PDGFC: variants seen among roughly 807,000 people sequenced by gnomAD.
PDGFC encodes the protein platelet-derived growth factor C.
Under a neutral mutation model 35.5 loss-of-function variants are expected in PDGFC, and 12 were observed. The ratio of observed to expected loss-of-function variants is 0.34; its 90% CI spans 0.22 to 0.55. The LOEUF is 0.55. PDGFC is among the 20% of genes least tolerant of loss of function. The pLI is 0.91. For synonymous variants in PDGFC, 159 were observed against 148.8 expected (o/e 1.07, Z -0.50); for missense variants, 322 against 412.4 (o/e 0.78, Z 1.90).
chr4:156,853,382 A>G (rs548547907), intron 1 of PDGFC, among the ~76,000 whole-genome samples: 1 of 152,302 alleles, frequency 6.6e-6, no homozygotes, highest in East Asian at 1.9e-4. Flanking sequence ...TTAATCCTAA[A>G]CTACCCCAAA....
At chr4:156,894,518 C>A (rs531586622) in intron 1 of PDGFC, among the ~76,000 whole-genome samples, 1 of 152,082 alleles carries the variant, frequency 6.6e-6, no homozygotes, top group African/African-American at 2.4e-5. Context: ...GTTTATAATA[C>A]AATTTTAAAA....
chr4:156,772,379 G>A (rs1003600947), intron 4 of PDGFC, among the ~76,000 whole-genome samples: 30 of 152,102 alleles, frequency 2.0e-4, no homozygotes, highest in African/African-American at 7.0e-4. Context: ...TTAGGTTTGA[G>A]TAAGCAGTGA....
At chr4:156,875,243 C>G (rs1278157572) in intron 1 of PDGFC, among the ~76,000 whole-genome samples, 1 of 152,150 alleles carries the variant, frequency 6.6e-6, no homozygotes, top group Non-Finnish European at 1.5e-5. Context: ...ATCCTGGTAA[C>G]TGCATATGGT....
intron 3 of PDGFC, among the ~76,000 whole-genome samples, chr4:156,784,470 C>T (rs1731065991): frequency 6.6e-6 from 1 of 151,972 alleles, no homozygotes; most frequent in Non-Finnish European, 1.5e-5. Flanking sequence ...TGTTCTGTGA[C>T]CTTAGGAATA....
At chr4:156,890,112 G>C (rs568606923) in intron 1 of PDGFC, among the ~76,000 whole-genome samples, 2 of 152,140 alleles carry the variant, frequency 1.3e-5, no homozygotes, top group East Asian at 3.9e-4. Flanking sequence ...GAGGGCACTG[G>C]TCTGGAACCT....
At chr4:156,907,505 C>A (rs190688645) in intron 1 of PDGFC, among the ~76,000 whole-genome samples, 1 of 152,276 alleles carries the variant, frequency 6.6e-6, no homozygotes, top group African/African-American at 2.4e-5. Context: ...CCTGAATTTG[C>A]ATCTTTCAAT....
At chr4:156,931,020 T>G (rs566516596) in intron 1 of PDGFC, among the ~76,000 whole-genome samples, 2 of 152,266 alleles carry the variant, frequency 1.3e-5, no homozygotes, top group South Asian at 4.2e-4. Context: ...TTTTAACTTC[T>G]TTTTCCTGCT....
chr4:156,818,706 G>A (rs1732164401), intron 2 of PDGFC, among the ~76,000 whole-genome samples: 1 of 151,920 alleles, frequency 6.6e-6, no homozygotes, highest in East Asian at 1.9e-4. Context: ...GTTTCACTGT[G>A]TTAGCCAGGA....
chr4:156,926,135 C>T (rs1731407837), intron 1 of PDGFC, among the ~76,000 whole-genome samples: 1 of 148,524 alleles, frequency 6.7e-6, no homozygotes, highest in African/African-American at 2.5e-5. Context: ...CTTTTCTTGT[C>T]TGACAGTAAT....
chr4:156,872,813 G>T (rs2111148198), intron 1 of PDGFC, among the ~76,000 whole-genome samples: 1 of 152,240 alleles, frequency 6.6e-6, no homozygotes, highest in African/African-American at 2.4e-5. Context: ...TGTATCCATA[G>T]TCTCTTGTTA....
At chr4:156,840,979 C>T (rs1729189858) in intron 2 of PDGFC, among the ~76,000 whole-genome samples, 1 of 152,096 alleles carries the variant, frequency 6.6e-6, no homozygotes, top group African/African-American at 2.4e-5. Context: ...TAGGAAGTAA[C>T]TAACTTGCTT....
At chr4:156,872,552 C>T (rs1042824490) in intron 1 of PDGFC, among the ~76,000 whole-genome samples, 1 of 152,188 alleles carries the variant, frequency 6.6e-6, no homozygotes, top group Non-Finnish European at 1.5e-5. Flanking sequence ...TTCAGACTCA[C>T]ACACTTTGCA....
chr4:156,854,116 A>G (rs1216335864), intron 1 of PDGFC, among the ~76,000 whole-genome samples: 1 of 152,220 alleles, frequency 6.6e-6, no homozygotes, highest in African/African-American at 2.4e-5. Flanking sequence ...AGAGGTACTT[A>G]TAGTAATTTA....
chr4:156,955,800 A>G (rs1247132094), intron 1 of PDGFC, among the ~76,000 whole-genome samples: 3 of 152,004 alleles, frequency 2.0e-5, no homozygotes, highest in Non-Finnish European at 2.9e-5. Context: ...TATGTCTGAC[A>G]CAGCCCTCAA....
At chr4:156,928,405 C>G (rs576608380) in intron 1 of PDGFC, among the ~76,000 whole-genome samples, 2 of 152,068 alleles carry the variant, frequency 1.3e-5, no homozygotes, top group East Asian at 1.9e-4. Flanking sequence ...TGAAAATTCA[C>G]GCATTGCACT....
intron 1 of PDGFC, among the ~76,000 whole-genome samples, chr4:156,960,461 A>G (rs546458439): frequency 8.6e-5 from 13 of 150,680 alleles, no homozygotes; most frequent in South Asian, 2.1e-4. Flanking sequence ...ATACACACAC[A>G]CGTGTGTGTG....
At position 156,761,311 on chromosome 4, in the gene PDGFC, C is replaced by A. The variant is rs1730370423; in HGVS notation, c.*1779G>T. 6.6e-6 allele frequency: 1 copy of A among 152,180 alleles called. No individual in the cohort carries two copies. Among genetic ancestry groups the A allele is most frequent in the Non-Finnish European group, 1.5e-5 (1 of 68,042 alleles). 9.4% of individuals were successfully genotyped at this position (152,180 alleles called of 1,614,324 possible). Reference sequence around the variant, plus strand: ...GTGACAATGAAGACATGAGTGGAAACCTGCAAGTTTTTTTCCAGTTTCATA... The same window carrying A: ...GTGACAATGAAGACATGAGTGGAAAACTGCAAGTTTTTTTCCAGTTTCATA... On this transcript the variant is annotated 3_prime_UTR_variant, in exon 6 of 6. Transcript: ENST00000502773.
At chr4:156,848,523 G>A (rs990668121) in intron 2 of PDGFC, among the ~76,000 whole-genome samples, 2 of 151,982 alleles carry the variant, frequency 1.3e-5, no homozygotes, top group East Asian at 1.9e-4. Context: ...AATATTATAC[G>A]TCAAAGACAA....
rs751905395 is a variant in PDGFC at position 156,885,152 on chromosome 4, T to TAC, written c.119-34738_119-34737dup. ...AAATATACTTGTGCATGTATGTGCA[T>TAC]ACATACACACACACACACACACACA... On this transcript the variant is annotated intron_variant, in intron 1 of 5. Transcript: ENST00000502773. Among the ~76,000 whole-genome samples, 1,225 of 131,020 alleles carry TAC rather than the reference T, an allele frequency of 9.3e-3. 12 individuals are homozygous for TAC. The highest frequency in any genetic ancestry group is 0.044 in the African/African-American group (1,122 of 25,708). 86.0% of individuals were successfully genotyped at this position (131,020 alleles called of 152,430 possible). A position where few individuals can be genotyped will look rare whatever the true frequency, so the allele number is the denominator to read the frequency against.
Sources: gnomAD v4.1 joint callset for allele counts (sites outside exome capture counted in the v4.1 genomes callset) on GRCh38, gnomAD v4.1.1 for gene constraint, MANE v1.5 for transcripts, NCBI Gene and HGNC (gene_info 2026-07-23, HGNC 2026-07-21) for gene names.